Variants in EIF2AK2 observed in about 807,000 individuals in gnomAD.
EIF2AK2 encodes eukaryotic translation initiation factor 2 alpha kinase 2, also known as interferon-induced, double-stranded RNA-activated protein kinase.
A neutral mutation model predicts 70.5 loss-of-function variants in EIF2AK2; 40 were observed. The ratio of observed to expected loss-of-function variants is 0.57; its 90% CI spans 0.44 to 0.74. The LOEUF (loss-of-function observed/expected upper bound fraction) is 0.74, where lower values mean the gene tolerates loss of function less well. Among genes scored for constraint, EIF2AK2 ranks in the 30% least tolerant of loss-of-function variants. The probability of loss-of-function intolerance (pLI) is 0.00; values close to 1 mark genes in which losing one functional copy is unlikely to be tolerated. For missense variants in EIF2AK2, 555 were observed against 644.3 expected (o/e 0.86, Z 1.50); for synonymous variants, 198 against 220.9 (o/e 0.90, Z 0.92).
At chr2:37,152,386 A>G (rs954959370) in intron 1 of EIF2AK2, among the ~76,000 whole-genome samples, 1 of 151,812 alleles carries the variant, frequency 6.6e-6, no homozygotes, top group Non-Finnish European at 1.5e-5. Context: ...GGTTCAAGCA[A>G]TTTTCCTGCC....
intron 10 of EIF2AK2, 30 bp from the exon 11 acceptor site, chr2:37,126,441 C>G: frequency 6.3e-7 from 1 of 1,596,708 alleles, no homozygotes; most frequent in Non-Finnish European, 8.5e-7. Flanking sequence ...GTTATTTTGA[C>G]ATTTCATGCT....
chr2:37,153,261 T>C (rs1325320231), intron 1 of EIF2AK2, among the ~76,000 whole-genome samples: 1 of 151,458 alleles, frequency 6.6e-6, no homozygotes, highest in Middle Eastern at 3.2e-3. Flanking sequence ...CCACAACTCT[T>C]AATCTTTCCA....
chr2:37,126,616 C>T (rs1450134409), intron 10 of EIF2AK2, among the ~76,000 whole-genome samples: 2 of 152,022 alleles, frequency 1.3e-5, no homozygotes, highest in African/African-American at 4.8e-5. Flanking sequence ...GCAAGTCTAA[C>T]GTAACATATC....
intron 15 of EIF2AK2, among the ~76,000 whole-genome samples, chr2:37,108,450 A>G (rs1674037294): frequency 6.6e-6 from 1 of 152,218 alleles, no homozygotes; most frequent in South Asian, 2.1e-4. Flanking sequence ...AAGTCCCTAC[A>G]GCTGGAAAGA....
chr2:37,148,425 G>A (rs1675629942), intron 2 of EIF2AK2: 8 of 380,728 alleles, frequency 2.1e-5, no homozygotes, highest in Non-Finnish European at 3.9e-5. Context: ...TGTGGACGTG[G>A]ATCCTGCCGG....
At chr2:37,148,613 A>G (rs1249669287) in intron 2 of EIF2AK2, 2 of 847,094 alleles carry the variant, frequency 2.4e-6, no homozygotes, top group Admixed American at 3.5e-5. Context: ...AGGTTTTAAG[A>G]TGTTGCAAGA....
At chr2:37,149,867 T>C (rs750327515) in intron 1 of EIF2AK2, among the ~76,000 whole-genome samples, 8 of 152,198 alleles carry the variant, frequency 5.3e-5, no homozygotes, top group Non-Finnish European at 8.8e-5. Context: ...GAGCACGTAG[T>C]TACACTGTCT....
chr2:37,114,977 A>G (rs776392243), intron 13 of EIF2AK2, 118 bp from the exon 14 acceptor site: 13 of 560,216 alleles, frequency 2.3e-5, no homozygotes, highest in Non-Finnish European at 2.6e-5. Context: ...ACCCTTACAC[A>G]GGTAGCCAAA....
chr2:37,136,608 A>G (rs1675134893), intron 9 of EIF2AK2: 2 of 158,006 alleles, frequency 1.3e-5, no homozygotes, highest in Admixed American at 6.3e-5. Flanking sequence ...GTTAATTGAC[A>G]TAGCATTTGA....
intron 2 of EIF2AK2, chr2:37,148,588 C>T: frequency 4.9e-6 from 4 of 815,772 alleles, no homozygotes; most frequent in Non-Finnish European, 8.6e-6. Context: ...ATAAAACCTA[C>T]TATACTTGTC....
chr2:37,152,606 A>G (rs1243464918), intron 1 of EIF2AK2, among the ~76,000 whole-genome samples: 2 of 152,088 alleles, frequency 1.3e-5, no homozygotes, highest in African/African-American at 4.8e-5. Flanking sequence ...ACACACCTTA[A>G]TCTTTGTAGC....
chr2:37,135,210 C>T (rs75570976), intron 10 of EIF2AK2, among the ~76,000 whole-genome samples: 4,509 of 152,096 alleles, frequency 0.03, 98 homozygotes, highest in Middle Eastern at 0.054. Context: ...TAGTAAGAAA[C>T]GCTGATGAAA....
At position 37,139,572 on chromosome 2, in the gene EIF2AK2, C is replaced by T; in HGVS notation, c.516+59G>A. 4 of 1,586,660 alleles carry T rather than the reference C, an allele frequency of 2.5e-6. No homozygotes were observed. The African/African-American group carries it at 4.1e-5, about 16-fold the overall frequency. ...GCATAATGTTAACACAGTCTAACCT[C>T]AAGTCAACTTCAGAGGGAATTTTAA... is the stretch of plus-strand genomic sequence containing the variant. On this transcript the variant is annotated intron_variant, in intron 6 of 16. Transcript: ENST00000233057.
chr2:37,148,673 C>T, intron 2 of EIF2AK2, 184 bp downstream of exon 2: 1 of 817,954 alleles, frequency 1.2e-6, no homozygotes, highest in Non-Finnish European at 2.2e-6. Context: ...TGGAAGGACA[C>T]TTTCTAGGAA....
intron 1 of EIF2AK2, among the ~76,000 whole-genome samples, chr2:37,153,337 C>CTCTTTTTTTTTTTTTTTT (rs777537067): frequency 1.8e-5 from 2 of 109,866 alleles, no homozygotes; most frequent in Non-Finnish European, 3.7e-5. Flanking sequence ...CTCTGCTAAT[C>CTCTTTTTTTTTTTTTTTT]TTTTTTTTTT....
At chr2:37,133,777 G>C (rs968180407) in intron 10 of EIF2AK2, among the ~76,000 whole-genome samples, 3 of 152,176 alleles carry the variant, frequency 2.0e-5, no homozygotes, top group African/African-American at 7.2e-5. Flanking sequence ...CCTTGTTACA[G>C]ACCTTCAGTG....
chr2:37,149,050 A>T (rs1008434861), intron 1 of EIF2AK2, 27 bp from the exon 2 acceptor site: 8 of 985,708 alleles, frequency 8.1e-6, no homozygotes, highest in Non-Finnish European at 1.2e-5. Flanking sequence ...AAGAAGGCTT[A>T]AAAAAATGCA....
intron 8 of EIF2AK2, 79 bp downstream of exon 8, chr2:37,138,191 A>C: frequency 9.3e-7 from 1 of 1,080,720 alleles, no homozygotes. Flanking sequence ...ATTATGGTGG[A>C]ATACTGGAAG....
At position 37,137,121 on chromosome 2, in the gene EIF2AK2, T is replaced by C. The variant is rs1675155616; in HGVS notation, c.688-104A>G. ...TATCTAGATGGCTCTCTGACCAATT[T>C]CTTAGTCCATCAATGTCTGTACTCT... On this transcript the variant is annotated intron_variant, in intron 8 of 16. Transcript: ENST00000233057. 6.8e-6 allele frequency: 6 copies of C among 888,644 alleles called. No homozygotes were observed. In the Admixed American group the frequency reaches 1.6e-4, roughly 23 times the overall value. 55.0% of individuals were successfully genotyped at this position (888,644 alleles called of 1,614,324 possible).
Sources: gnomAD v4.1 joint callset for allele counts (sites outside exome capture counted in the v4.1 genomes callset) on GRCh38, gnomAD v4.1.1 for gene constraint, MANE v1.5 for transcripts, NCBI Gene and HGNC (gene_info 2026-07-23, HGNC 2026-07-21) for gene names.